Variants in ADAMTSL3 observed in about 807,000 individuals in gnomAD.
ADAMTSL3 encodes ADAMTS-like protein 3.
ADAMTSL3 carries 128 observed loss-of-function variants against 201.7 expected under a neutral mutation model. The ratio of observed to expected loss-of-function variants is 0.63; its 90% CI spans 0.55 to 0.73. The LOEUF (loss-of-function observed/expected upper bound fraction) is 0.73, where lower values mean the gene tolerates loss of function less well. Among genes scored for constraint, ADAMTSL3 ranks in the 30% least tolerant of loss-of-function variants. The probability of loss-of-function intolerance (pLI) is 0.00; values close to 1 mark genes in which losing one functional copy is unlikely to be tolerated. For synonymous variants in ADAMTSL3, 738 were observed against 748.4 expected (o/e 0.99, Z 0.23); for missense variants, 1,990 against 2,119.6 (o/e 0.94, Z 1.20).
chr15:83,720,818 A>G (rs61260043), intron 3 of ADAMTSL3, among the ~76,000 whole-genome samples: 14,447 of 152,280 alleles, frequency 0.095, 864 homozygotes, highest in East Asian at 0.28. Flanking sequence ...TTTATAATAT[A>G]AAATAAATGT....
chr15:83,839,115 A>G (rs1403557242), intron 7 of ADAMTSL3, among the ~76,000 whole-genome samples: 1 of 152,176 alleles, frequency 6.6e-6, no homozygotes, highest in African/African-American at 2.4e-5. Flanking sequence ...CTTTATAATA[A>G]TTCTTTCTGA....
At chr15:83,728,369 G>A (rs899086302) in intron 3 of ADAMTSL3, among the ~76,000 whole-genome samples, 16 of 151,104 alleles carry the variant, frequency 1.1e-4, no homozygotes, top group Middle Eastern at 3.4e-3. Context: ...GTTATTATTT[G>A]TAAGTATGGA....
chr15:83,764,003 A>T (rs978851470), intron 3 of ADAMTSL3, among the ~76,000 whole-genome samples: 7 of 152,166 alleles, frequency 4.6e-5, no homozygotes, highest in Admixed American at 4.6e-4. Context: ...GATGCTTGGG[A>T]AGCCTGAATG....
intron 4 of ADAMTSL3, among the ~76,000 whole-genome samples, chr15:83,786,185 C>A (rs998331058): frequency 1.3e-5 from 2 of 152,114 alleles, no homozygotes; most frequent in Non-Finnish European, 2.9e-5. Flanking sequence ...CCATGTTGAC[C>A]AGGCTGGTCT....
chr15:83,708,502 C>G (rs1015628166), intron 3 of ADAMTSL3, among the ~76,000 whole-genome samples: 1 of 151,906 alleles, frequency 6.6e-6, no homozygotes, highest in South Asian at 2.1e-4. Flanking sequence ...TACGGAGGGC[C>G]GCGGCAGCTT....
intron 4 of ADAMTSL3, among the ~76,000 whole-genome samples, chr15:83,782,912 GTA>G (rs35212776): frequency 0.82 from 118,850 of 145,234 alleles, 48,934 homozygotes; most frequent in East Asian, 0.9. Context: ...AATGGATAGC[GTA>G]TATATATATA....
intron 4 of ADAMTSL3, among the ~76,000 whole-genome samples, chr15:83,799,511 A>T (rs1178346715): frequency 6.6e-6 from 1 of 152,166 alleles, no homozygotes; most frequent in Non-Finnish European, 1.5e-5. Context: ...TATTTTAAAA[A>T]TTAATATATT....
At chr15:83,932,601 G>A (rs1417158688) in intron 17 of ADAMTSL3, among the ~76,000 whole-genome samples, 10 of 152,162 alleles carry the variant, frequency 6.6e-5, no homozygotes, top group Admixed American at 5.2e-4. Flanking sequence ...CTGAATGGAA[G>A]GAATCAGAAA....
chr15:83,824,471 C>T (rs2063975293), intron 6 of ADAMTSL3, among the ~76,000 whole-genome samples: 2 of 152,200 alleles, frequency 1.3e-5, no homozygotes, highest in Non-Finnish European at 2.9e-5. Context: ...GATGAACCTA[C>T]ACTGACACAT....
intron 3 of ADAMTSL3, among the ~76,000 whole-genome samples, chr15:83,728,202 A>T: frequency 6.6e-6 from 1 of 151,486 alleles, no homozygotes; most frequent in Non-Finnish European, 1.5e-5. Context: ...GTTTCCATTG[A>T]CATGGAATAT....
chr15:83,955,792 C>T (rs927098192), intron 19 of ADAMTSL3, among the ~76,000 whole-genome samples: 3 of 151,924 alleles, frequency 2.0e-5, no homozygotes, highest in Non-Finnish European at 4.4e-5. Context: ...AGATGCAAGA[C>T]AAAGTACAAA....
At chr15:83,992,884 T>C (rs933460951) in intron 23 of ADAMTSL3, among the ~76,000 whole-genome samples, 3 of 152,216 alleles carry the variant, frequency 2.0e-5, no homozygotes, top group African/African-American at 7.2e-5. Context: ...GCAGCACTGC[T>C]GCCTAGATGG....
At chr15:83,853,570 C>G (rs2064664105) in intron 7 of ADAMTSL3, among the ~76,000 whole-genome samples, 1 of 152,086 alleles carries the variant, frequency 6.6e-6, no homozygotes, top group Non-Finnish European at 1.5e-5. Flanking sequence ...GGTAATCAAA[C>G]TTTTCTACTT....
chr15:83,891,870 G>A (rs951603159), intron 12 of ADAMTSL3, among the ~76,000 whole-genome samples: 8 of 152,210 alleles, frequency 5.3e-5, no homozygotes, highest in South Asian at 2.1e-4. Flanking sequence ...CAGAAACCCC[G>A]GATGTGAGGA....
rs1299697571 is a variant in ADAMTSL3 at position 83,654,206 on chromosome 15, A to G, written c.-104A>G. ...AGGTGTTGACGGGCGGCTTCTGCCAACTTCTCCCCAGCGCGCGCCGAGCCC... is the reference window on the plus strand; with the variant it reads ...AGGTGTTGACGGGCGGCTTCTGCCAGCTTCTCCCCAGCGCGCGCCGAGCCC... On this transcript the variant is annotated 5_prime_UTR_variant, in exon 1 of 30. Transcript: ENST00000286744. The surrounding 1 kb of genome is among the most constrained non-coding windows in gnomAD (Gnocchi z 5.3). The G allele has an allele frequency of 6.6e-6, 1 of 151,458 alleles. No homozygotes were observed. The highest frequency in any genetic ancestry group is 1.5e-5 in the Non-Finnish European group (1 of 67,880). 9.4% of individuals were successfully genotyped at this position (151,458 alleles called of 1,614,324 possible). A position where few individuals can be genotyped will look rare whatever the true frequency, so the allele number is the denominator to read the frequency against.
intron 17 of ADAMTSL3, among the ~76,000 whole-genome samples, chr15:83,933,859 C>A (rs55816945): frequency 0.025 from 3,852 of 152,326 alleles, 155 homozygotes; most frequent in African/African-American, 0.086. Flanking sequence ...GCCTTGGTGG[C>A]TTCCACGTGG....
At chr15:83,872,209 T>C (rs2065093709) in intron 9 of ADAMTSL3, among the ~76,000 whole-genome samples, 1 of 151,962 alleles carries the variant, frequency 6.6e-6, no homozygotes, top group Admixed American at 6.6e-5. Context: ...TCTGTAAAAA[T>C]GGGAAGAGCT....
intron 2 of ADAMTSL3, among the ~76,000 whole-genome samples, chr15:83,679,177 C>A (rs1251088721): frequency 1.3e-5 from 2 of 151,748 alleles, no homozygotes; most frequent in Non-Finnish European, 2.9e-5. Flanking sequence ...TCTGTAATTT[C>A]TATTTGGGTT....
At chr15:83,831,187 C>T (rs1363233596) in intron 6 of ADAMTSL3, among the ~76,000 whole-genome samples, 3 of 152,124 alleles carry the variant, frequency 2.0e-5, no homozygotes, top group African/African-American at 7.2e-5. Context: ...CATAAGGACA[C>T]CTTCCTATTA....
Sources: gnomAD v4.1 joint callset for allele counts (sites outside exome capture counted in the v4.1 genomes callset) on GRCh38, gnomAD v4.1.1 for gene constraint, Gnocchi (gnomAD v3.1) non-coding constraint, MANE v1.5 for transcripts, NCBI Gene and HGNC (gene_info 2026-07-23, HGNC 2026-07-21) for gene names.